The following RNF43 variants were observed in gnomAD, a reference collection of about 807,000 sequenced individuals.
RNF43 encodes the protein ring finger protein 43.
In RNF43, 37 loss-of-function variants were observed where a neutral mutation model predicts 78.4. That is an observed-to-expected ratio of 0.47 (90% confidence interval 0.36 to 0.62). RNF43 has a LOEUF of 0.62. RNF43 is among the 20% of genes least tolerant of loss of function. RNF43 has a pLI of 0.00. For synonymous variants in RNF43, 347 were observed against 395.0 expected (o/e 0.88, Z 1.44); for missense variants, 774 against 1,007.9 (o/e 0.77, Z 3.14).
rs558493876 is a variant in RNF43, at chr17:58,368,271, G to A, written c.375+2640C>T. On this transcript the variant is annotated intron_variant, in intron 3 of 9. Coordinates refer to ENST00000407977, the MANE Select transcript of RNF43 (RefSeq NM_017763.6). ...TTTAAGAAAAACAGATGTTCGGCTG[G>A]GTGCAGTGGCTCATGCCTGTAATCC... 3.9e-5 allele frequency among the ~76,000 whole-genome samples: 6 copies of A among 152,322 alleles called. No homozygotes were observed. The East Asian group carries it at 1.2e-3, about 29-fold the overall frequency.
At chr17:58,370,776 G>A (rs906910535) in intron 3 of RNF43, 135 bp downstream of exon 3, 2 of 1,032,748 alleles carry the variant, frequency 1.9e-6, no homozygotes, top group Non-Finnish European at 2.6e-6. Context: ...TCTCAGACCA[G>A]TCATGGGTTA....
At position 58,363,617 on chromosome 17, in the gene RNF43, T is replaced by C. The variant is rs1431962571; in HGVS notation, c.376-17A>G. 6.2e-7 allele frequency: 1 copy of C among 1,605,248 alleles called. No homozygotes were observed. Among genetic ancestry groups the C allele is most frequent in the East Asian group, 2.2e-5 (1 of 44,752 alleles). ...CATCCGAGCCTGCAGAGGCACACAG[T>C]AGAGGTTGGGCTGAGGTCAGGGAAG... On this transcript the variant is annotated splice_polypyrimidine_tract_variant and intron_variant, in intron 3 of 9. Coordinates refer to ENST00000407977, the MANE Select transcript of RNF43 (RefSeq NM_017763.6).
chr17:58,366,151 T>C (rs1444369652), intron 3 of RNF43, among the ~76,000 whole-genome samples: 2 of 152,224 alleles, frequency 1.3e-5, no homozygotes, highest in Admixed American at 1.3e-4. Context: ...GCTATAACGC[T>C]GATAATATTC....
At chr17:58,382,043 C>T (rs946438648) in intron 2 of RNF43, among the ~76,000 whole-genome samples, 11 of 152,112 alleles carry the variant, frequency 7.2e-5, no homozygotes, top group Non-Finnish European at 2.9e-5. Flanking sequence ...ATCCTTTGAC[C>T]AGCCCTCAGT....
Position 58,353,841 on chromosome 17 carries a change from C to G in RNF43, c.*1102G>C, listed in dbSNP as rs184733847. The stretch of plus-strand genomic sequence containing the variant: ...GTGGGGTCCTCTGCCCACTTTGCCA[C>G]CACATTCACATTCCAAATGGGATAA... On this transcript the variant is annotated 3_prime_UTR_variant, in exon 10 of 10. Coordinates refer to ENST00000407977, the MANE Select transcript of RNF43 (RefSeq NM_017763.6). The G allele has an allele frequency of 1.4e-3, 281 of 194,978 alleles. 1 individual carries two copies. The highest frequency in any genetic ancestry group is 5.4e-3 in the African/African-American group (235 of 43,248). The allele number at this position is 194,978 out of a possible 1,614,324, so 12.1% of individuals were successfully genotyped here.
At chr17:58,395,580 T>A (rs573219213) in intron 2 of RNF43, among the ~76,000 whole-genome samples, 48 of 152,322 alleles carry the variant, frequency 3.2e-4, no homozygotes, top group African/African-American at 1.0e-3. Flanking sequence ...TGAGAAATAT[T>A]CTTTTGGAAG....
At chr17:58,412,120 C>T (rs537698652) in intron 2 of RNF43, among the ~76,000 whole-genome samples, 1 of 151,832 alleles carries the variant, frequency 6.6e-6, no homozygotes, top group Non-Finnish European at 1.5e-5. Flanking sequence ...CCTAAATATA[C>T]AAATTCAGTG....
At chr17:58,355,186 A>G (rs1972662931) in intron 9 of RNF43, among the ~76,000 whole-genome samples, 200 bp from the exon 10 acceptor site, 1 of 152,216 alleles carries the variant, frequency 6.6e-6, no homozygotes, top group Non-Finnish European at 1.5e-5. Flanking sequence ...AAAGAAATAT[A>G]TATAGCAACC....
chr17:58,390,326 A>T (rs1445998483), intron 2 of RNF43, among the ~76,000 whole-genome samples: 2 of 152,158 alleles, frequency 1.3e-5, no homozygotes, highest in East Asian at 1.9e-4. Context: ...TTTAAAAAAA[A>T]TTTTCTAGAA....
At chr17:58,410,441 GTAAT>G (rs1362481534) in intron 2 of RNF43, among the ~76,000 whole-genome samples, 2 of 152,162 alleles carry the variant, frequency 1.3e-5, no homozygotes, top group African/African-American at 4.8e-5. Context: ...TCCAAAGTCA[GTAAT>G]TAATTAATTG....
At chr17:58,353,028 C>A (rs16942982), downstream of RNF43, 663 of 216,460 alleles carry the variant, frequency 3.1e-3, 11 homozygotes, top group East Asian at 0.031. Context: ...GGAGACTTCA[C>A]GCCAATGGAG....
rs35219874 is a variant in RNF43 at position 58,363,596 on chromosome 17, C to T, written c.380G>A (p.Arg127Gln). The T allele has an allele frequency of 4.6e-4, 735 of 1,610,770 alleles. 2 individuals carry two copies. The African/African-American group carries it at 7.7e-3, about 17-fold the overall frequency. Residue 127 changes from arginine to glutamine, a missense_variant, in exon 4 of 10, where the codon CGG becomes CAG. Arg to Gln is a conservative substitution (Grantham distance 43). Coordinates refer to ENST00000407977, the MANE Select transcript of RNF43 (RefSeq NM_017763.6). ...RPCLSLASKA[R>Q]MAGERGASAV... The stretch of plus-strand genomic sequence containing the variant: ...ACTGGCTCCTCGCTCACCCGCCATC[C>T]GAGCCTGCAGAGGCACACAGTAGAG...
chr17:58,390,075 G>A (rs1344680036), intron 2 of RNF43, among the ~76,000 whole-genome samples: 1 of 152,202 alleles, frequency 6.6e-6, no homozygotes, highest in Non-Finnish European at 1.5e-5. Context: ...TCATCCTCAA[G>A]CTCTGCACTC....
intron 3 of RNF43, among the ~76,000 whole-genome samples, chr17:58,368,635 C>T (rs1001006004): frequency 6.6e-6 from 1 of 150,864 alleles, no homozygotes; most frequent in African/African-American, 2.4e-5. Flanking sequence ...ATCACTTGAA[C>T]CTGGGAGGCA....
At chr17:58,368,901 C>T (rs1189955748) in intron 3 of RNF43, among the ~76,000 whole-genome samples, 1 of 152,096 alleles carries the variant, frequency 6.6e-6, no homozygotes, top group Non-Finnish European at 1.5e-5. Flanking sequence ...AGCTCAAAGA[C>T]TCATAGGAGT....
intron 2 of RNF43, among the ~76,000 whole-genome samples, chr17:58,381,659 T>G (rs962697265): frequency 5.9e-5 from 9 of 152,318 alleles, no homozygotes; most frequent in African/African-American, 2.2e-4. Flanking sequence ...GGTATTTCCA[T>G]CCTCTGAATA....
intron 2 of RNF43, among the ~76,000 whole-genome samples, chr17:58,402,393 G>A (rs1053197912): frequency 6.6e-6 from 1 of 152,216 alleles, no homozygotes; most frequent in Non-Finnish European, 1.5e-5. Flanking sequence ...AATGTACTTT[G>A]CCCAAGGCAT....
chr17:58,365,488 A>C (rs1972929638), intron 3 of RNF43, among the ~76,000 whole-genome samples: 1 of 152,184 alleles, frequency 6.6e-6, no homozygotes, highest in Non-Finnish European at 1.5e-5. Flanking sequence ...GGAACAGTGG[A>C]AGGCAATTAC....
intron 2 of RNF43, among the ~76,000 whole-genome samples, chr17:58,381,854 A>G (rs1400461265): frequency 6.6e-6 from 1 of 152,166 alleles, no homozygotes; most frequent in African/African-American, 2.4e-5. Context: ...TTCTCTGCCA[A>G]ATTATTTTTC....
Sources: gnomAD v4.1 joint callset for allele counts (sites outside exome capture counted in the v4.1 genomes callset) on GRCh38, gnomAD v4.1.1 for gene constraint, MANE v1.5 for transcripts, NCBI Gene and HGNC (gene_info 2026-07-23, HGNC 2026-07-21) for gene names.